Variants in HMGA2 observed in about 807,000 individuals in gnomAD.
HMGA2 encodes the protein high mobility group protein HMGI-C.
In HMGA2, 8 loss-of-function variants were observed where a neutral mutation model predicts 19.1. The ratio of observed to expected loss-of-function variants is 0.42; its 90% CI spans 0.25 to 0.76. The LOEUF (loss-of-function observed/expected upper bound fraction) is 0.76. Ranked by LOEUF, HMGA2 falls within the 30% of genes least tolerant of loss-of-function variation. The pLI, the probability that HMGA2 is intolerant of heterozygous loss-of-function variation, is 0.28. For missense variants in HMGA2, 109 were observed against 136.3 expected, an observed-to-expected ratio of 0.80 and a Z score of 1.00; for synonymous variants, 60 against 48.8, an observed-to-expected ratio of 1.23 and a Z score of -0.96.
At chr12:65,959,111 T>G (rs1048553242) in intron 4 of HMGA2, among the ~76,000 whole-genome samples, 3 of 152,252 alleles carry the variant, frequency 2.0e-5, no homozygotes, top group African/African-American at 7.2e-5. Context: ...GCCTGTATAG[T>G]AAGTCTGATT....
At chr12:65,875,316 C>T (rs1872930399) in intron 3 of HMGA2, among the ~76,000 whole-genome samples, 1 of 152,186 alleles carries the variant, frequency 6.6e-6, no homozygotes, top group East Asian at 1.9e-4. Context: ...GATCTATTTA[C>T]ATACACTAGA....
At chr12:65,909,362 G>C (rs1475124927) in intron 3 of HMGA2, among the ~76,000 whole-genome samples, 1 of 152,038 alleles carries the variant, frequency 6.6e-6, no homozygotes, top group Non-Finnish European at 1.5e-5. Flanking sequence ...TTAAACTATG[G>C]ATTGCCTTCT....
intron 3 of HMGA2, among the ~76,000 whole-genome samples, chr12:65,846,601 A>G (rs1871243946): frequency 6.6e-6 from 1 of 152,236 alleles, no homozygotes; most frequent in African/African-American, 2.4e-5. Context: ...CAGGACAGAG[A>G]TAGAGACGGA....
chr12:65,888,932 ACCATGCTCAG>A (rs1438861690), intron 3 of HMGA2, among the ~76,000 whole-genome samples: 1 of 151,976 alleles, frequency 6.6e-6, no homozygotes, highest in Non-Finnish European at 1.5e-5. Flanking sequence ...TTAGAGATGC[ACCATGCTCAG>A]CCCGTCTAAC....
At chr12:65,940,906 G>T (rs1876071580) in intron 3 of HMGA2, among the ~76,000 whole-genome samples, 1 of 152,162 alleles carries the variant, frequency 6.6e-6, no homozygotes, top group Non-Finnish European at 1.5e-5. Context: ...TCACTGTTAT[G>T]TGACACATAC....
intron 3 of HMGA2, among the ~76,000 whole-genome samples, chr12:65,846,252 C>A (rs1871230750): frequency 1.3e-5 from 2 of 152,178 alleles, no homozygotes; most frequent in African/African-American, 4.8e-5. Flanking sequence ...ACAAGAGTCC[C>A]TTTTGAGCAT....
chr12:65,875,532 TC>T (rs1293903650), intron 3 of HMGA2, among the ~76,000 whole-genome samples: 1 of 145,172 alleles, frequency 6.9e-6, no homozygotes, highest in African/African-American at 2.5e-5. Flanking sequence ...CAAGCCATTC[TC>T]CTGCCTCAGC....
intron 3 of HMGA2, among the ~76,000 whole-genome samples, chr12:65,867,127 A>G (rs1265952231): frequency 6.6e-6 from 1 of 152,218 alleles, no homozygotes; most frequent in Non-Finnish European, 1.5e-5. Context: ...AGCTCACATA[A>G]TGACAAAAAA....
At chr12:65,949,198 G>A (rs1269456820) in intron 3 of HMGA2, among the ~76,000 whole-genome samples, 1 of 151,800 alleles carries the variant, frequency 6.6e-6, no homozygotes, top group Non-Finnish European at 1.5e-5. Flanking sequence ...TCTTTACTGT[G>A]ATTTAAAGTC....
chr12:65,920,701 G>A (rs1001569152), intron 3 of HMGA2, among the ~76,000 whole-genome samples: 6 of 152,132 alleles, frequency 3.9e-5, no homozygotes, highest in African/African-American at 9.7e-5. Context: ...AAGAAGTGCC[G>A]TTCGCCTCCC....
chr12:65,915,159 C>T, intron 3 of HMGA2: 1 of 1,612,842 alleles, frequency 6.2e-7, no homozygotes, highest in Middle Eastern at 1.7e-4. Context: ...CAGGATAGCT[C>T]TTCATGTTAT....
intron 3 of HMGA2, among the ~76,000 whole-genome samples, chr12:65,870,675 G>T (rs1592405012): frequency 6.6e-6 from 1 of 152,356 alleles, no homozygotes; most frequent in Non-Finnish European, 1.5e-5. Context: ...GTTTCAGTGA[G>T]CCGAGATCGT....
chr12:65,882,021 T>A, intron 3 of HMGA2: 2 of 666,834 alleles, frequency 3.0e-6, no homozygotes, highest in Non-Finnish European at 5.5e-6. Flanking sequence ...GGCATGGCTC[T>A]GTGGAGTTTT....
At chr12:65,927,859 A>T (rs199920217) in intron 3 of HMGA2, among the ~76,000 whole-genome samples, 1 of 122,974 alleles carries the variant, frequency 8.1e-6, no homozygotes. Context: ...GTGTATATAT[A>T]TTTTTTATAT....
intron 1 of HMGA2, chr12:65,826,199 T>C (rs1870174796): frequency 6.6e-6 from 1 of 152,246 alleles, no homozygotes; most frequent in Non-Finnish European, 1.5e-5. Flanking sequence ...CTGCAGCCAT[T>C]AAATGCTCTT....
chr12:65,910,585 C>T (rs1874801485), intron 3 of HMGA2, among the ~76,000 whole-genome samples: 1 of 152,148 alleles, frequency 6.6e-6, no homozygotes, highest in Non-Finnish European at 1.5e-5. Flanking sequence ...GCTGTTTTTC[C>T]TTTGCTCCTG....
Position 65,824,717 on chromosome 12 carries a change from CTCTCTCTCT to C in HMGA2, c.-553_-545del. The C allele has an allele frequency of 2.1e-5, 1 of 47,920 alleles. No homozygotes were observed. Among genetic ancestry groups the C allele is most frequent in the Non-Finnish European group, 6.0e-5 (1 of 16,786 alleles). 3.0% of individuals were successfully genotyped at this position (47,920 alleles called of 1,614,324 possible). A position where few individuals can be genotyped will look rare whatever the true frequency, so the allele number is the denominator to read the frequency against. ...GGCACTTTCAATCTCAATCTCTTCT[CTCTCTCTCT>C]CTCTCTCTCTCTCTCTCTCTCTCTC... On this transcript the variant is annotated 5_prime_UTR_variant, in exon 1 of 5. Coordinates refer to ENST00000403681, the MANE Select transcript of HMGA2 (RefSeq NM_003483.6).
intron 3 of HMGA2, chr12:65,842,339 C>T (rs775409086): frequency 7.6e-5 from 46 of 607,222 alleles, no homozygotes; most frequent in Non-Finnish European, 1.2e-4. Context: ...AGGTAGTGCT[C>T]AGTAAATGTT....
At chr12:65,839,949 C>T (rs1870923568) in intron 3 of HMGA2, among the ~76,000 whole-genome samples, 1 of 152,184 alleles carries the variant, frequency 6.6e-6, no homozygotes, top group African/African-American at 2.4e-5. Flanking sequence ...CACTTTCACT[C>T]ATGATAGCCC....
Sources: gnomAD v4.1 joint callset for allele counts (sites outside exome capture counted in the v4.1 genomes callset) on GRCh38, gnomAD v4.1.1 for gene constraint, MANE v1.5 for transcripts, NCBI Gene and HGNC (gene_info 2026-07-23, HGNC 2026-07-21) for gene names.